The following TNFRSF21 variants were observed in gnomAD, a reference collection of about 807,000 sequenced individuals.
The protein encoded by TNFRSF21 is TNF receptor superfamily member 21.
A neutral mutation model predicts 45.6 loss-of-function variants in TNFRSF21; 19 were observed. The observed-to-expected ratio is 0.42, with a 90% CI of 0.29 to 0.61. The LOEUF is 0.61. Among genes scored for constraint, TNFRSF21 ranks in the 20% least tolerant of loss-of-function variants. TNFRSF21 has a pLI of 0.23. For missense variants in TNFRSF21, 737 were observed against 851.5 expected (o/e 0.87, Z 1.67); for synonymous variants, 314 against 335.5 (o/e 0.94, Z 0.70).
At chr6:47,233,073 T>TAG in intron 5 of TNFRSF21, 79 bp from the exon 6 acceptor site, 4 of 1,317,372 alleles carry the variant, frequency 3.0e-6, no homozygotes, top group Non-Finnish European at 4.3e-6. Context: ...AGCAGGGTCC[T>TAG]AGAGAGAGAG....
intron 3 of TNFRSF21, among the ~76,000 whole-genome samples, chr6:47,266,817 C>T (rs1477289657): frequency 6.6e-6 from 1 of 152,196 alleles, no homozygotes; most frequent in Non-Finnish European, 1.5e-5. Context: ...TTTATCATTA[C>T]GGGGAGTAAA....
intron 4 of TNFRSF21, among the ~76,000 whole-genome samples, chr6:47,252,608 A>T (rs1366903016): frequency 6.6e-6 from 1 of 152,244 alleles, no homozygotes; most frequent in Non-Finnish European, 1.5e-5. Context: ...GGAAAGTTGA[A>T]GTAACTTACC....
chr6:47,253,443 C>G lies in TNFRSF21; in HGVS notation c.1322G>C (p.Ser441Thr). Residue 441 changes from serine (S) to threonine (T), a missense_variant, in exon 4 of 6, where the codon AGT (serine) becomes ACT (threonine). Coordinates refer to ENST00000296861, the MANE Select transcript of TNFRSF21 (RefSeq NM_014452.5). ...KDIYQFLCNA[S>T]EREVAAFSNG... Reference sequence around the variant, plus strand: ...GGAGAAAGCAGCAACCTCCCTCTCACTGGCATTGCAAAGAAACTGATAGAT... The same window carrying G: ...GGAGAAAGCAGCAACCTCCCTCTCAGTGGCATTGCAAAGAAACTGATAGAT... 1.2e-6 allele frequency: 2 copies of G among 1,614,152 alleles called. No homozygotes were observed. The highest frequency in any genetic ancestry group is 4.5e-5 in the East Asian group (2 of 44,882).
At chr6:47,297,541 G>A (rs1429231494) in intron 1 of TNFRSF21, among the ~76,000 whole-genome samples, 1 of 28,952 alleles carries the variant, frequency 3.5e-5, no homozygotes. Flanking sequence ...TGAGTTTTTT[G>A]AGACGAAGTC....
At chr6:47,279,952 G>A (rs1178269815) in intron 3 of TNFRSF21, among the ~76,000 whole-genome samples, 3 of 152,142 alleles carry the variant, frequency 2.0e-5, no homozygotes, top group Admixed American at 6.5e-5. Context: ...CTAGCCATGC[G>A]AGGCCTCCTC....
chr6:47,243,336 T>A (rs1161958297), intron 4 of TNFRSF21, among the ~76,000 whole-genome samples: 1 of 152,178 alleles, frequency 6.6e-6, no homozygotes, highest in Non-Finnish European at 1.5e-5. Flanking sequence ...CCTTATTTTT[T>A]AAAACAATTT....
chr6:47,277,707 A>T (rs1460038418), intron 3 of TNFRSF21, among the ~76,000 whole-genome samples: 1 of 152,142 alleles, frequency 6.6e-6, no homozygotes, highest in East Asian at 1.9e-4. Flanking sequence ...ATTTTTTAAA[A>T]TTTTCTAACA....
intron 1 of TNFRSF21, among the ~76,000 whole-genome samples, chr6:47,290,480 AC>A (rs1465739153): frequency 1.3e-5 from 2 of 152,064 alleles, no homozygotes; most frequent in African/African-American, 4.8e-5. Context: ...CTAAAGTAAA[AC>A]CAAAAAAGGT....
intron 1 of TNFRSF21, among the ~76,000 whole-genome samples, chr6:47,303,606 C>T (rs537179254): frequency 1.3e-4 from 20 of 152,270 alleles, no homozygotes; most frequent in African/African-American, 4.3e-4. Flanking sequence ...GAGTCAACAG[C>T]CTAAGTATCA....
chr6:47,309,304 C>T (rs1026806866), intron 1 of TNFRSF21, 112 bp downstream of exon 1: 1 of 1,397,264 alleles, frequency 7.2e-7, no homozygotes, highest in Non-Finnish European at 9.3e-7. Context: ...GTAACCCAGT[C>T]GGCCGGGCCC....
At position 47,298,961 on chromosome 6, in the gene TNFRSF21, C is replaced by T. The variant is rs573579033; in HGVS notation, c.96+10455G>A. On this transcript the variant is annotated intron_variant, in intron 1 of 5. Coordinates refer to ENST00000296861, the MANE Select transcript of TNFRSF21 (RefSeq NM_014452.5). ...ACATATTTGACCATAAAACGCTTTA[C>T]TCATGCAATGAGTATTACTATCTTG... is the stretch of plus-strand genomic sequence containing the variant. Among the ~76,000 whole-genome samples the T allele has an allele frequency of 2.8e-4, 43 of 152,300 alleles. No homozygotes were observed. The East Asian group carries it at 7.9e-3, about 28-fold the overall frequency.
intron 3 of TNFRSF21, among the ~76,000 whole-genome samples, chr6:47,282,711 A>G (rs141411895): frequency 1.9e-4 from 29 of 152,322 alleles, no homozygotes; most frequent in African/African-American, 6.5e-4. Flanking sequence ...GTTTAATGAG[A>G]GTTGGGATTA....
At chr6:47,235,576 C>T (rs1020820119) in intron 4 of TNFRSF21, among the ~76,000 whole-genome samples, 2 of 152,178 alleles carry the variant, frequency 1.3e-5, no homozygotes, top group African/African-American at 2.4e-5. Context: ...GTCTGCGGTC[C>T]TTTGTTACTG....
Position 47,231,675 on chromosome 6 carries a change from G to C in TNFRSF21, c.*1090C>G, listed in dbSNP as rs1048689. The C allele has an allele frequency of 6.6e-6, 1 of 152,638 alleles. No individual in the cohort carries two copies. Among genetic ancestry groups the C allele is most frequent in the Non-Finnish European group, 1.5e-5 (1 of 68,048 alleles). 9.5% of individuals were successfully genotyped at this position (152,638 alleles called of 1,614,324 possible). A position where few individuals can be genotyped will look rare whatever the true frequency, so the allele number is the denominator to read the frequency against. ...ATTGGAACCTGGCAACTGAGCATTA[G>C]AAGGTACATTTGTAAATGGGAGCAT... On this transcript the variant is annotated 3_prime_UTR_variant, in exon 6 of 6. Coordinates refer to ENST00000296861, the MANE Select transcript of TNFRSF21 (RefSeq NM_014452.5).
chr6:47,283,243 A>C (rs1050503152), intron 3 of TNFRSF21, among the ~76,000 whole-genome samples: 1 of 152,236 alleles, frequency 6.6e-6, no homozygotes, highest in Middle Eastern at 3.4e-3. Flanking sequence ...TTTGCCCTCA[A>C]AAGAGGAAAG....
At position 47,234,771 on chromosome 6, in the gene TNFRSF21, T is replaced by C; in HGVS notation, c.1637A>G (p.Asn546Ser). The change falls in exon 5 of 6, where the codon AAC (asparagine) becomes AGC (serine). Residue 546 changes from asparagine to serine, a missense_variant. Transcript: ENST00000296861. ...LTVEPSPQDK[N>S]KGFFVDESEP... ...CGACTCATCCACGAAGAAGCCCTTG[T>C]TCTTGTCCTGTGGGGAAGGCTCCAC... 1.2e-6 allele frequency: 2 copies of C among 1,605,392 alleles called. No individual in the cohort carries two copies. The highest frequency in any genetic ancestry group is 1.7e-6 in the Non-Finnish European group (2 of 1,177,034).
intron 3 of TNFRSF21, among the ~76,000 whole-genome samples, chr6:47,265,240 A>G (rs1035711500): frequency 9.2e-5 from 14 of 152,354 alleles, no homozygotes; most frequent in Admixed American, 2.6e-4. Context: ...CAAGCAATTT[A>G]TGAACAAGTA....
chr6:47,267,925 C>T (rs1170412567), intron 3 of TNFRSF21, among the ~76,000 whole-genome samples: 3 of 152,174 alleles, frequency 2.0e-5, no homozygotes, highest in African/African-American at 7.2e-5. Context: ...ATATGTCTCT[C>T]CATCAACCCC....
chr6:47,240,202 A>T (rs1258197077), intron 4 of TNFRSF21, among the ~76,000 whole-genome samples: 1 of 152,210 alleles, frequency 6.6e-6, no homozygotes, highest in Non-Finnish European at 1.5e-5. Context: ...CTTACAGTAA[A>T]GTCGCTGTTT....
Sources: allele counts gnomAD v4.1 joint callset (sites outside exome capture counted in the v4.1 genomes callset), GRCh38; gene constraint gnomAD v4.1.1; transcripts MANE v1.5; gene names NCBI Gene and HGNC (gene_info 2026-07-23, HGNC 2026-07-21).